Variants in HACD2 observed in about 807,000 individuals in gnomAD.
HACD2 encodes 3-hydroxyacyl-CoA dehydratase 2.
A neutral mutation model predicts 31.0 loss-of-function variants in HACD2; 15 were observed. The ratio of observed to expected loss-of-function variants is 0.48; its 90% CI spans 0.32 to 0.75. The LOEUF (loss-of-function observed/expected upper bound fraction) is 0.75. Among genes scored for constraint, HACD2 ranks in the 30% least tolerant of loss-of-function variants. The pLI is 0.03. For synonymous variants in HACD2, 115 were observed against 122.2 expected (o/e 0.94, Z 0.39); for missense variants, 283 against 313.0 (o/e 0.90, Z 0.72).
chr3:123,549,129 AAGG>A (rs2056592339), intron 3 of HACD2, among the ~76,000 whole-genome samples: 1 of 151,858 alleles, frequency 6.6e-6, no homozygotes, highest in Non-Finnish European at 1.5e-5. Flanking sequence ...TTTATTAAAC[AAGG>A]AGTATATTAA....
intron 4 of HACD2, among the ~76,000 whole-genome samples, chr3:123,517,463 A>G (rs1433853282): frequency 6.6e-6 from 1 of 152,208 alleles, no homozygotes; most frequent in Non-Finnish European, 1.5e-5. Flanking sequence ...TTTAATCCCA[A>G]CCTTCATCAT....
At chr3:123,579,214 G>A (rs749703647) in intron 2 of HACD2, among the ~76,000 whole-genome samples, 1 of 151,994 alleles carries the variant, frequency 6.6e-6, no homozygotes, top group Non-Finnish European at 1.5e-5. Context: ...TTCCTGAGTG[G>A]ATTTTAAAGT....
intron 2 of HACD2, among the ~76,000 whole-genome samples, chr3:123,581,004 TAG>T (rs1412684505): frequency 6.6e-6 from 1 of 152,022 alleles, no homozygotes; most frequent in Non-Finnish European, 1.5e-5. Flanking sequence ...GTATTTTTAG[TAG>T]AGACGGGGTT....
At chr3:123,527,729 A>G (rs1469186078) in intron 4 of HACD2, among the ~76,000 whole-genome samples, 1 of 152,230 alleles carries the variant, frequency 6.6e-6, no homozygotes, top group Non-Finnish European at 1.5e-5. Context: ...GTGAAGGAAA[A>G]AGAAATTTGT....
At chr3:123,572,111 G>C (rs1576240407) in intron 2 of HACD2, among the ~76,000 whole-genome samples, 1 of 152,230 alleles carries the variant, frequency 6.6e-6, no homozygotes, top group East Asian at 1.9e-4. Context: ...GTGAAGTGGT[G>C]GCACTGCTTT....
chr3:123,505,638 C>T (rs1181910097), intron 4 of HACD2, among the ~76,000 whole-genome samples: 1 of 152,138 alleles, frequency 6.6e-6, no homozygotes, highest in Middle Eastern at 3.2e-3. Flanking sequence ...AACAACACTC[C>T]AGGATTCAGC....
At chr3:123,497,932 A>G (rs1180893947) in intron 6 of HACD2, among the ~76,000 whole-genome samples, 2 of 152,264 alleles carry the variant, frequency 1.3e-5, no homozygotes, top group Admixed American at 6.5e-5. Flanking sequence ...TTTAGAAAGA[A>G]AACCAAATTT....
At chr3:123,509,814 A>G (rs1000337218) in intron 4 of HACD2, among the ~76,000 whole-genome samples, 1 of 152,088 alleles carries the variant, frequency 6.6e-6, no homozygotes, top group African/African-American at 2.4e-5. Flanking sequence ...CTTCTTTAGC[A>G]TACAAATGTT....
intron 3 of HACD2, among the ~76,000 whole-genome samples, chr3:123,558,917 C>CA (rs1223763339): frequency 2.0e-5 from 3 of 152,166 alleles, no homozygotes; most frequent in African/African-American, 7.2e-5. Context: ...CAAACCATCG[C>CA]ACCAAAGAAC....
chr3:123,529,648 G>T (rs2056327823), intron 3 of HACD2, among the ~76,000 whole-genome samples: 1 of 152,206 alleles, frequency 6.6e-6, no homozygotes, highest in Non-Finnish European at 1.5e-5. Flanking sequence ...GATTGCTTGA[G>T]TTTGGGAGGT....
At chr3:123,555,594 T>C (rs1433030233) in intron 3 of HACD2, among the ~76,000 whole-genome samples, 1 of 151,998 alleles carries the variant, frequency 6.6e-6, no homozygotes, top group Non-Finnish European at 1.5e-5. Flanking sequence ...TCTAAATAAG[T>C]GGAGAAATAT....
intron 4 of HACD2, among the ~76,000 whole-genome samples, chr3:123,522,887 C>T (rs746900223): frequency 1.5e-4 from 23 of 152,120 alleles, no homozygotes; most frequent in Non-Finnish European, 2.2e-4. Flanking sequence ...GATGACAGGA[C>T]GGCACAGCTT....
chr3:123,516,961 C>G (rs1324625265), intron 4 of HACD2, among the ~76,000 whole-genome samples: 1 of 152,224 alleles, frequency 6.6e-6, no homozygotes, highest in African/African-American at 2.4e-5. Context: ...GCTGCATGTC[C>G]TGAGGCAAGT....
chr3:123,499,222 AC>A (rs2055873147), intron 6 of HACD2: 2 of 166,174 alleles, frequency 1.2e-5, no homozygotes, highest in African/African-American at 4.8e-5. Flanking sequence ...TAAAACTGCA[AC>A]TGTGAACTGC....
rs1258162971 is a variant in HACD2, at chr3:123,493,849, T to C, written c.*1039A>G. 2 of 152,192 alleles carry C rather than the reference T, an allele frequency of 1.3e-5. No individual in the cohort carries two copies. Among genetic ancestry groups the C allele is most frequent in the African/African-American group, 4.8e-5 (2 of 41,438 alleles). The allele number at this position is 152,192 out of a possible 1,614,324, so 9.4% of individuals were successfully genotyped here. ...GCTTGGTGGAAATTAACATAGGAAG[T>C]TAATTAGCAAAAGTATCCAAACAGA... On this transcript the variant is annotated 3_prime_UTR_variant, in exon 7 of 7. Transcript: ENST00000383657.
At chr3:123,545,715 A>ATT (rs1156885967) in intron 3 of HACD2, among the ~76,000 whole-genome samples, 2 of 141,870 alleles carry the variant, frequency 1.4e-5, no homozygotes, top group Admixed American at 7.1e-5. Context: ...TAATAATAAG[A>ATT]TTTTTTTTTT....
At chr3:123,582,398 A>T in intron 1 of HACD2, 69 bp from the exon 2 acceptor site, 1 of 1,012,866 alleles carries the variant, frequency 9.9e-7, no homozygotes, top group Non-Finnish European at 1.4e-6. Flanking sequence ...GTTAACACAC[A>T]GCTGTGGCAA....
chr3:123,534,528 A>G (rs959785178), intron 3 of HACD2, among the ~76,000 whole-genome samples: 3 of 152,172 alleles, frequency 2.0e-5, no homozygotes, highest in African/African-American at 7.2e-5. Flanking sequence ...TATACAGTAC[A>G]TAATACTTGA....
intron 1 of HACD2, 70 bp from the exon 2 acceptor site, chr3:123,582,399 G>C: frequency 9.9e-7 from 1 of 1,010,038 alleles, no homozygotes; most frequent in Non-Finnish European, 1.4e-6. Flanking sequence ...TTAACACACA[G>C]CTGTGGCAAT....
Sources: allele counts gnomAD v4.1 joint callset (sites outside exome capture counted in the v4.1 genomes callset), GRCh38; gene constraint gnomAD v4.1.1; transcripts MANE v1.5; gene names NCBI Gene and HGNC (gene_info 2026-07-23, HGNC 2026-07-21).